The following CSMD1 variants were observed in gnomAD, a reference collection of about 807,000 sequenced individuals.
The protein encoded by CSMD1 is CUB and Sushi multiple domains 1.
CSMD1 carries 213 observed loss-of-function variants against 417.5 expected under a neutral mutation model. The observed-to-expected ratio is 0.51, with a 90% confidence interval of 0.46 to 0.57. The LOEUF is 0.57. CSMD1 is among the 20% of genes least tolerant of loss of function. CSMD1 has a pLI of 0.00. For missense variants in CSMD1, 6,923 were observed against 4,529.7 expected (o/e 1.53, Z -15.17); for synonymous variants, 2,862 against 1,736.8 (o/e 1.65, Z -16.11).
intron 4 of CSMD1, among the ~76,000 whole-genome samples, chr8:4,011,564 C>A (rs2130437779): frequency 6.6e-6 from 1 of 152,238 alleles, no homozygotes; most frequent in East Asian, 1.9e-4. Context: ...AGCCAGAAAT[C>A]CAAGAGTCAG....
intron 18 of CSMD1, among the ~76,000 whole-genome samples, chr8:3,386,708 CT>C (rs1811023331): frequency 6.6e-6 from 1 of 152,120 alleles, no homozygotes. Context: ...TTTTGGAACA[CT>C]GTTTTCCATA....
chr8:4,148,958 C>T lies in CSMD1; in HGVS notation c.416-116859G>A, dbSNP rs372459733. On this transcript the variant is annotated intron_variant, in intron 3 of 69. Coordinates refer to ENST00000635120, the MANE Select transcript of CSMD1 (RefSeq NM_033225.6). ...TAACTTCACCTGTAATTAAACATTT[C>T]ATATTAACTTTTTTTTTTTTTTGAG... Among the ~76,000 whole-genome samples, 1,094 of 123,726 alleles carry T rather than the reference C, an allele frequency of 8.8e-3. 14 individuals are homozygous for T. Among genetic ancestry groups the T allele is most frequent in the African/African-American group, 0.027 (1,041 of 38,226 alleles). The allele number at this position is 123,726 out of a possible 152,430, so 81.2% of individuals were successfully genotyped here.
At chr8:3,964,706 G>A (rs759547103) in intron 5 of CSMD1, among the ~76,000 whole-genome samples, 3 of 152,096 alleles carry the variant, frequency 2.0e-5, no homozygotes, top group Admixed American at 6.5e-5. Flanking sequence ...TTAAATAAAC[G>A]CTTCAAAATC....
chr8:4,431,004 C>G (rs548889087), intron 2 of CSMD1, among the ~76,000 whole-genome samples: 1 of 152,082 alleles, frequency 6.6e-6, no homozygotes, highest in Non-Finnish European at 1.5e-5. Context: ...CCACTTTTCT[C>G]TGGAAAGACT....
intron 2 of CSMD1, among the ~76,000 whole-genome samples, chr8:4,508,119 A>G (rs1802628242): frequency 6.7e-6 from 1 of 149,250 alleles, no homozygotes; most frequent in African/African-American, 2.4e-5. Flanking sequence ...AAAAACAAAA[A>G]CAGTGAAATT....
At chr8:4,050,093 G>A (rs1386634969) in intron 3 of CSMD1, among the ~76,000 whole-genome samples, 1 of 152,128 alleles carries the variant, frequency 6.6e-6, no homozygotes, top group Non-Finnish European at 1.5e-5. Context: ...AGTGCACCAG[G>A]TTGTGGGTTG....
At chr8:4,380,910 A>T (rs1003018890) in intron 3 of CSMD1, among the ~76,000 whole-genome samples, 2 of 152,132 alleles carry the variant, frequency 1.3e-5, no homozygotes, top group Non-Finnish European at 2.9e-5. Context: ...TTATTGTTTT[A>T]TACATTTTGA....
At chr8:4,515,980 G>A (rs953265114) in intron 2 of CSMD1, among the ~76,000 whole-genome samples, 2 of 152,286 alleles carry the variant, frequency 1.3e-5, no homozygotes, top group East Asian at 3.9e-4. Context: ...CCTGACAGCT[G>A]TTACCCATTG....
chr8:3,102,823 A>G (rs1407509520), intron 46 of CSMD1, among the ~76,000 whole-genome samples: 1 of 152,206 alleles, frequency 6.6e-6, no homozygotes, highest in Non-Finnish European at 1.5e-5. Context: ...GGAAGGTAAC[A>G]AAGAGTTTTC....
chr8:4,588,051 G>T (rs2724989), intron 2 of CSMD1, among the ~76,000 whole-genome samples: 42,685 of 151,954 alleles, frequency 0.28, 6,179 homozygotes, highest in South Asian at 0.35. Flanking sequence ...AACAAAAGGA[G>T]CAAGGTAAAG....
chr8:3,511,042 A>G (rs907653673), intron 10 of CSMD1, among the ~76,000 whole-genome samples: 1 of 151,828 alleles, frequency 6.6e-6, no homozygotes, highest in African/African-American at 2.4e-5. Flanking sequence ...ATGGAATACT[A>G]TGCAGCAATA....
chr8:4,334,948 C>T (rs1424801321), intron 3 of CSMD1, among the ~76,000 whole-genome samples: 1 of 152,104 alleles, frequency 6.6e-6, no homozygotes, highest in Non-Finnish European at 1.5e-5. Context: ...TTTGCTACAT[C>T]CTCACATGAC....
At chr8:4,232,186 C>G (rs1201008318) in intron 3 of CSMD1, among the ~76,000 whole-genome samples, 1 of 152,050 alleles carries the variant, frequency 6.6e-6, no homozygotes, top group East Asian at 1.9e-4. Flanking sequence ...AACACTTGTC[C>G]TTTATTTATT....
chr8:3,820,537 C>A (rs1475396774), intron 5 of CSMD1, among the ~76,000 whole-genome samples: 6 of 152,070 alleles, frequency 3.9e-5, no homozygotes, highest in Non-Finnish European at 2.9e-5. Flanking sequence ...GTAACAATGC[C>A]TTTTTCTTCC....
chr8:3,857,032 A>G (rs1043361709), intron 5 of CSMD1, among the ~76,000 whole-genome samples: 2 of 152,198 alleles, frequency 1.3e-5, no homozygotes, highest in Admixed American at 6.5e-5. Context: ...TTAGAAATAT[A>G]TATCGAGGGC....
chr8:4,252,396 T>C (rs1279295777), intron 3 of CSMD1, among the ~76,000 whole-genome samples: 1 of 152,174 alleles, frequency 6.6e-6, no homozygotes, highest in Non-Finnish European at 1.5e-5. Flanking sequence ...CTTTTTCCAG[T>C]GATCAAAACA....
intron 26 of CSMD1, among the ~76,000 whole-genome samples, chr8:3,268,362 C>G (rs1389372443): frequency 1.5e-5 from 2 of 134,548 alleles, no homozygotes; most frequent in Admixed American, 8.4e-5. Context: ...GATCTCAGCT[C>G]ACTGCAAGCT....
intron 1 of CSMD1, among the ~76,000 whole-genome samples, chr8:4,941,601 A>AT (rs1308023530): frequency 2.1e-4 from 29 of 136,452 alleles, no homozygotes; most frequent in Non-Finnish European, 4.3e-4. Context: ...TTTAATTTTT[A>AT]ATTTTTATTT....
chr8:2,940,329 A>G (rs1217665265), intron 69 of CSMD1, among the ~76,000 whole-genome samples: 1 of 152,206 alleles, frequency 6.6e-6, no homozygotes, highest in African/African-American at 2.4e-5. Context: ...GAGAAGTCAC[A>G]GTGGCCTCAT....
Sources: allele counts gnomAD v4.1 joint callset (sites outside exome capture counted in the v4.1 genomes callset), GRCh38; gene constraint gnomAD v4.1.1; transcripts MANE v1.5; gene names NCBI Gene and HGNC (gene_info 2026-07-23, HGNC 2026-07-21).